The following PCDHA10 variants were observed in gnomAD, a reference collection of about 807,000 sequenced individuals.
PCDHA10 encodes protocadherin alpha 10.
Under a neutral mutation model 61.2 loss-of-function variants are expected in PCDHA10, and 45 were observed. That is an observed-to-expected ratio of 0.74 (90% CI 0.58 to 0.94). PCDHA10 has a LOEUF of 0.94. Ranked by LOEUF, PCDHA10 falls within the 40% of genes least tolerant of loss-of-function variation. PCDHA10 has a pLI of 0.00. For missense variants in PCDHA10, 1,278 were observed against 1,236.2 expected (o/e 1.03, Z -0.51); for synonymous variants, 602 against 548.8 (o/e 1.10, Z -1.35).
chr5:141,010,265 G>A lies in PCDHA10; in HGVS notation c.*328G>A, dbSNP rs1554262846. ...GTTGGACTCTCTGCCCTGTGCTCCGGGGATCCTGTCTTGATGACACTTGCA... is the reference window on the plus strand; with the variant it reads ...GTTGGACTCTCTGCCCTGTGCTCCGAGGATCCTGTCTTGATGACACTTGCA... On this transcript the variant is annotated 3_prime_UTR_variant, in exon 4 of 4. Coordinates refer to ENST00000307360, the MANE Select transcript of PCDHA10 (RefSeq NM_018901.4). 6.4e-7 allele frequency: 1 copy of A among 1,551,726 alleles called. No homozygotes were observed. The highest frequency in any genetic ancestry group is 8.7e-7 in the Non-Finnish European group (1 of 1,147,006).
At position 140,857,752 on chromosome 5, in the gene PCDHA10, C is replaced by G. The variant is rs7725388; in HGVS notation, c.1704C>G (p.Pro568=). ...NDNAPALLAS[P]AGSAGGAVSE... ...ACGCTCCCGCGCTGCTGGCGTCTCCCGCTGGCAGCGCGGGCGGTGCAGTCA... is the reference window on the plus strand; with the variant it reads ...ACGCTCCCGCGCTGCTGGCGTCTCCGGCTGGCAGCGCGGGCGGTGCAGTCA... Residue 568 remains proline, a synonymous_variant, in exon 1 of 4, where the codon CCC becomes CCG. Transcript: ENST00000307360. The G allele has an allele frequency of 4.5e-3, 7,184 of 1,597,166 alleles. 625 individuals are homozygous for G. The African/African-American group carries it at 0.078, about 17-fold the overall frequency.
In PCDHA10 at chr5:140,858,279, G is replaced by C; in HGVS notation, c.2231G>C (p.Gly744Ala). ...KPTLVCSSAV[G>A]SWSYSQQRRQ... ...ACGCTGGTGTGCTCTAGCGCGGTGGGGAGCTGGTCTTACTCGCAGCAGAGG... is the reference window on the plus strand; with the variant it reads ...ACGCTGGTGTGCTCTAGCGCGGTGGCGAGCTGGTCTTACTCGCAGCAGAGG... The change falls in exon 1 of 4, where the codon GGG becomes GCG. Residue 744 changes from glycine (G) to alanine (A), a missense_variant. Gly to Ala is a moderately conservative substitution (Grantham distance 60). Transcript: ENST00000307360. The C allele has an allele frequency of 6.3e-7, 1 of 1,597,396 alleles. No homozygotes were observed. The highest frequency in any genetic ancestry group is 8.6e-7 in the Non-Finnish European group (1 of 1,167,170).
chr5:140,896,090 C>CA (rs2065374359), intron 1 of PCDHA10, among the ~76,000 whole-genome samples: 1 of 152,152 alleles, frequency 6.6e-6, no homozygotes, highest in Non-Finnish European at 1.5e-5. Flanking sequence ...GGATTACAGG[C>CA]GTGAGCCACT....
chr5:140,858,069 C>A lies in PCDHA10; in HGVS notation c.2021C>A (p.Ala674Glu). ...VLVSLVEGSQ[A>E]PKASSRASVG... is the part of the protein sequence containing the mutation. ...GTGTCGCTTGTGGAGGGCAGCCAGGCACCCAAGGCCTCGTCGCGGGCTTCA... is the reference window on the plus strand; with the variant it reads ...GTGTCGCTTGTGGAGGGCAGCCAGGAACCCAAGGCCTCGTCGCGGGCTTCA... Residue 674 changes from alanine (A) to glutamate (E), a missense_variant, in exon 1 of 4, where the codon GCA (alanine) becomes GAA (glutamate). Coordinates refer to ENST00000307360, the MANE Select transcript of PCDHA10 (RefSeq NM_018901.4). The A allele has an allele frequency of 6.3e-7, 1 of 1,597,662 alleles. No homozygotes were observed. The highest frequency in any genetic ancestry group is 8.6e-7 in the Non-Finnish European group (1 of 1,167,568).
chr5:140,875,771 C>A (rs182160950), intron 1 of PCDHA10: 3 of 1,614,080 alleles, frequency 1.9e-6, no homozygotes, highest in Non-Finnish European at 2.5e-6. Context: ...GGGCGGAGCG[C>A]GGAGTGCAGT....
At chr5:140,932,415 T>C (rs1183410119) in intron 1 of PCDHA10, among the ~76,000 whole-genome samples, 2 of 151,922 alleles carry the variant, frequency 1.3e-5, no homozygotes, top group African/African-American at 4.8e-5. Context: ...GTTATATTAG[T>C]GTATTGTTCA....
chr5:140,939,904 T>A (rs1554213033), intron 1 of PCDHA10, among the ~76,000 whole-genome samples: 3 of 152,228 alleles, frequency 2.0e-5, no homozygotes, highest in Non-Finnish European at 2.9e-5. Context: ...TTCTGCATTC[T>A]TTTTTATTCT....
intron 1 of PCDHA10, among the ~76,000 whole-genome samples, chr5:140,891,246 AT>A (rs1213637493): frequency 2.0e-5 from 3 of 151,650 alleles, no homozygotes; most frequent in Non-Finnish European, 4.4e-5. Flanking sequence ...ATTCAGTAGG[AT>A]TTTTTTTAAT....
intron 3 of PCDHA10, among the ~76,000 whole-genome samples, chr5:140,998,792 G>A (rs747824792): frequency 6.6e-6 from 1 of 152,156 alleles, no homozygotes; most frequent in Non-Finnish European, 1.5e-5. Flanking sequence ...TGGAACCCCT[G>A]ACCTCAGGTG....
intron 1 of PCDHA10, chr5:140,869,565 A>G: frequency 6.2e-7 from 1 of 1,614,190 alleles, no homozygotes; most frequent in Non-Finnish European, 8.5e-7. Flanking sequence ...GTTTTCCACT[A>G]GAGGGAGCTT....
At chr5:140,918,263 G>A (rs2078602453) in intron 1 of PCDHA10, among the ~76,000 whole-genome samples, 1 of 152,214 alleles carries the variant, frequency 6.6e-6, no homozygotes, top group East Asian at 1.9e-4. Context: ...TTTGCTGGAG[G>A]TTTTATCAGA....
intron 1 of PCDHA10, chr5:140,968,689 A>T: frequency 2.5e-6 from 4 of 1,614,124 alleles, no homozygotes; most frequent in Non-Finnish European, 3.4e-6. Context: ...ACACAGGAGA[A>T]ATTAGGACTA....
intron 1 of PCDHA10, 78 bp from the exon 2 acceptor site, chr5:140,978,871 T>G: frequency 6.2e-7 from 1 of 1,606,510 alleles, no homozygotes; most frequent in Non-Finnish European, 8.5e-7. Context: ...TTTAAGGGAG[T>G]AACTAATCAA....
intron 1 of PCDHA10, chr5:140,882,281 T>C (rs1554173360): frequency 6.2e-7 from 1 of 1,612,634 alleles, no homozygotes; most frequent in African/African-American, 1.3e-5. Context: ...GCTGTCTTCC[T>C]GGCAAGGAGG....
chr5:140,856,268 C>T lies in PCDHA10; in HGVS notation c.220C>T (p.Leu74=). ...RVASKRHGDL[L]EVNLQNGILF... is the part of the protein sequence containing the mutation. Reference sequence around the variant, plus strand: ...GGCGTCCAAAAGACACGGGGACCTTCTGGAGGTAAATCTGCAGAATGGCAT... The same window carrying T: ...GGCGTCCAAAAGACACGGGGACCTTTTGGAGGTAAATCTGCAGAATGGCAT... Residue 74 remains leucine (L), a synonymous_variant, in exon 1 of 4, where the codon CTG becomes TTG. Transcript: ENST00000307360. 1.3e-6 allele frequency: 2 copies of T among 1,598,206 alleles called. No homozygotes were observed. Among genetic ancestry groups the T allele is most frequent in the Admixed American group, 1.7e-5 (1 of 59,282 alleles).
chr5:140,957,145 T>A (rs1554222837), intron 1 of PCDHA10, among the ~76,000 whole-genome samples: 1 of 152,156 alleles, frequency 6.6e-6, no homozygotes, highest in Non-Finnish European at 1.5e-5. Context: ...GAACTAAAAA[T>A]TTTGGAGACA....
intron 1 of PCDHA10, chr5:140,870,351 C>G (rs958022470): frequency 2.5e-6 from 4 of 1,614,202 alleles, no homozygotes; most frequent in Non-Finnish European, 3.4e-6. Context: ...ACCGCGAGAA[C>G]GTGTGGGCCT....
chr5:140,876,498 C>T, intron 1 of PCDHA10: 4 of 1,613,918 alleles, frequency 2.5e-6, no homozygotes, highest in Non-Finnish European at 2.5e-6. Flanking sequence ...AAGTTCTGGA[C>T]GTGAATGACA....
chr5:140,928,513 A>G lies in PCDHA10; in HGVS notation c.2389-50436A>G, dbSNP rs781867292. On this transcript the variant is annotated intron_variant, in intron 1 of 3. Transcript: ENST00000307360. ...TCCTCCCAGAAGTGCAACAGTGACTATAAACTTGTTTGTGGTAGATAGGAA... is the reference window on the plus strand; with the variant it reads ...TCCTCCCAGAAGTGCAACAGTGACTGTAAACTTGTTTGTGGTAGATAGGAA... 1.4e-5 allele frequency: 23 copies of G among 1,614,064 alleles called. No individual in the cohort carries two copies. In the African/African-American group the frequency reaches 2.8e-4, roughly 20 times the overall value.
Sources: gnomAD v4.1 joint callset for allele counts (sites outside exome capture counted in the v4.1 genomes callset) on GRCh38, gnomAD v4.1.1 for gene constraint, MANE v1.5 for transcripts, NCBI Gene and HGNC (gene_info 2026-07-23, HGNC 2026-07-21) for gene names.